CREB5: variants seen among roughly 807,000 people sequenced by gnomAD.
The protein encoded by CREB5 is cyclic AMP-responsive element-binding protein 5.
CREB5 carries 19 observed loss-of-function variants against 57.1 expected under a neutral mutation model. That is an observed-to-expected ratio of 0.33 (90% CI 0.23 to 0.49). The LOEUF is 0.49. CREB5 is among the 20% of genes least tolerant of loss of function. The pLI is 0.99. For synonymous variants in CREB5, 238 were observed against 238.3 expected, an observed-to-expected ratio of 1.00 and a Z score of 0.01; for missense variants, 579 against 671.6, an observed-to-expected ratio of 0.86 and a Z score of 1.52.
chr7:28,594,803 T>C (rs1347921934), intron 5 of CREB5, among the ~76,000 whole-genome samples: 1 of 152,178 alleles, frequency 6.6e-6, no homozygotes, highest in Admixed American at 6.5e-5. Flanking sequence ...GGGCCCTTCA[T>C]ACATGTGAGG....
chr7:28,417,999 G>A (rs921097935), intron 1 of CREB5, among the ~76,000 whole-genome samples: 8 of 152,042 alleles, frequency 5.3e-5, no homozygotes, highest in Non-Finnish European at 7.4e-5. Context: ...CCTCTGTTTC[G>A]GAAAAGGTCA....
At chr7:28,602,711 G>A (rs138716254) in intron 5 of CREB5, among the ~76,000 whole-genome samples, 1,664 of 152,302 alleles carry the variant, frequency 0.011, 28 homozygotes, top group African/African-American at 0.037. Context: ...TTAGGTTTGG[G>A]TAGAGAGGCT....
At chr7:28,409,745 G>A (rs1297960347), upstream of CREB5, 3 of 362,102 alleles carry the variant, frequency 8.3e-6, no homozygotes, top group Non-Finnish European at 1.1e-5. This position sits in a 1 kb window ranked among gnomAD's most constrained non-coding sequence, Gnocchi z 4.4. Flanking sequence ...CGTGAGTGCC[G>A]GAGCGCTCGG....
intron 5 of CREB5, among the ~76,000 whole-genome samples, chr7:28,684,683 C>T (rs754480691): frequency 1.6e-4 from 25 of 152,094 alleles, no homozygotes; most frequent in Non-Finnish European, 3.5e-4. Context: ...GATTCATTGG[C>T]CACAAAAGGC....
intron 4 of CREB5, among the ~76,000 whole-genome samples, chr7:28,543,421 G>T (rs1794288502): frequency 6.6e-6 from 1 of 151,900 alleles, no homozygotes; most frequent in Admixed American, 6.6e-5. Context: ...TCTCCTTTTT[G>T]ATTTATGCAA....
chr7:28,508,004 T>C (rs534462525), intron 4 of CREB5, among the ~76,000 whole-genome samples: 14 of 152,298 alleles, frequency 9.2e-5, no homozygotes, highest in Admixed American at 9.2e-4. Context: ...AGCAAACCTT[T>C]TGTGAGCAGT....
chr7:28,647,273 T>C (rs532069931), intron 5 of CREB5, among the ~76,000 whole-genome samples: 22 of 151,804 alleles, frequency 1.4e-4, no homozygotes, highest in African/African-American at 4.8e-4. Context: ...CAGTCTTCCC[T>C]TTCTTGACCT....
intron 7 of CREB5, among the ~76,000 whole-genome samples, chr7:28,732,667 C>T (rs1397622067): frequency 6.6e-6 from 1 of 150,994 alleles, no homozygotes; most frequent in African/African-American, 2.4e-5. Context: ...TTTTTGCCAG[C>T]ACAGCTAATA....
chr7:28,753,424 G>A (rs1285459957), intron 7 of CREB5, among the ~76,000 whole-genome samples: 1 of 152,036 alleles, frequency 6.6e-6, no homozygotes, highest in Non-Finnish European at 1.5e-5. Context: ...TAGAAATACT[G>A]ATGAGAGAGT....
chr7:28,447,935 G>A (rs768797455), intron 1 of CREB5, among the ~76,000 whole-genome samples: 4 of 152,210 alleles, frequency 2.6e-5, no homozygotes, highest in South Asian at 2.1e-4. Flanking sequence ...GAGAGTGTAT[G>A]TGATAGTTAA....
intron 4 of CREB5, among the ~76,000 whole-genome samples, chr7:28,560,864 GCC>G (rs1491531228): frequency 0.036 from 812 of 22,350 alleles, 70 homozygotes; most frequent in African/African-American, 0.052. Flanking sequence ...GTGTGCGTGT[GCC>G]TGCGTGCGCG....
At position 28,821,675 on chromosome 7, in the gene CREB5, A is replaced by T. The variant is rs1450426055; in HGVS notation, c.*2396A>T. ...GACTCAGCTTTAAAAAGAAGTTAAC[A>T]TTCATATCTCTGTTTTGAAATCAAA... On this transcript the variant is annotated 3_prime_UTR_variant, in exon 11 of 11. Coordinates refer to ENST00000357727, the MANE Select transcript of CREB5 (RefSeq NM_182898.4). The T allele has an allele frequency of 6.6e-6, 1 of 152,166 alleles. No individual in the cohort carries two copies. The highest frequency in any genetic ancestry group is 1.5e-5 in the Non-Finnish European group (1 of 68,014). The allele number at this position is 152,166 out of a possible 1,614,324, so 9.4% of individuals were successfully genotyped here. A position where few individuals can be genotyped will look rare whatever the true frequency, so the allele number is the denominator to read the frequency against.
At chr7:28,539,949 G>A (rs1164643911) in intron 4 of CREB5, among the ~76,000 whole-genome samples, 1 of 152,180 alleles carries the variant, frequency 6.6e-6, no homozygotes, top group Non-Finnish European at 1.5e-5. Context: ...CATTCATTGG[G>A]CATAAATTGT....
At chr7:28,682,306 G>A (rs778682672) in intron 5 of CREB5, among the ~76,000 whole-genome samples, 2 of 152,172 alleles carry the variant, frequency 1.3e-5, no homozygotes, top group Non-Finnish European at 1.5e-5. Flanking sequence ...TCACCTAGGC[G>A]GCCCCTCATC....
At chr7:28,377,799 G>A (rs1786865870) in intron 1 of CREB5, among the ~76,000 whole-genome samples, 1 of 151,710 alleles carries the variant, frequency 6.6e-6, no homozygotes, top group South Asian at 2.1e-4. Context: ...GGGCGTGGTG[G>A]CGGGCTCCTG....
chr7:28,310,601 A>T (rs1016085914), intron 1 of CREB5, among the ~76,000 whole-genome samples: 4 of 152,258 alleles, frequency 2.6e-5, no homozygotes, highest in Non-Finnish European at 2.9e-5. Flanking sequence ...GCAGGGTGAT[A>T]CATTTCTCTA....
At chr7:28,645,224 G>A (rs1441370851) in intron 5 of CREB5, among the ~76,000 whole-genome samples, 1 of 152,086 alleles carries the variant, frequency 6.6e-6, no homozygotes, top group Non-Finnish European at 1.5e-5. Context: ...GCAATCTGTG[G>A]GTCCCTTTAT....
At chr7:28,518,013 A>C (rs1247598645) in intron 4 of CREB5, among the ~76,000 whole-genome samples, 1 of 152,160 alleles carries the variant, frequency 6.6e-6, no homozygotes, top group African/African-American at 2.4e-5. Context: ...TGAAGCTAGA[A>C]GAAGGCTGTC....
chr7:28,405,242 A>G (rs1019689975), intron 1 of CREB5, among the ~76,000 whole-genome samples: 2 of 152,216 alleles, frequency 1.3e-5, no homozygotes, highest in African/African-American at 4.8e-5. Flanking sequence ...TAACCACAAA[A>G]TGGGCTTCAG....
Sources: gnomAD v4.1 joint callset for allele counts (sites outside exome capture counted in the v4.1 genomes callset) on GRCh38, gnomAD v4.1.1 for gene constraint, Gnocchi (gnomAD v3.1) non-coding constraint, MANE v1.5 for transcripts, NCBI Gene and HGNC (gene_info 2026-07-23, HGNC 2026-07-21) for gene names.